Variants in ZNRF2 observed in about 807,000 individuals in gnomAD.
ZNRF2 encodes the protein zinc and ring finger 2, also known as E3 ubiquitin-protein ligase ZNRF2.
In ZNRF2, 16 loss-of-function variants were observed where a neutral mutation model predicts 20.4. The observed-to-expected ratio is 0.79, with a 90% CI of 0.53 to 1.19. ZNRF2 has a LOEUF of 1.19. Among genes scored for constraint, ZNRF2 ranks in the 50% most tolerant of loss-of-function variants. The pLI, the probability that ZNRF2 is intolerant of heterozygous loss-of-function variation, is 0.00. For missense variants in ZNRF2, 363 were observed against 332.4 expected, an observed-to-expected ratio of 1.09 and a Z score of -0.72; for synonymous variants, 178 against 144.9, an observed-to-expected ratio of 1.23 and a Z score of -1.64.
intron 2 of ZNRF2, among the ~76,000 whole-genome samples, chr7:30,349,993 G>A (rs1328795853): frequency 6.6e-6 from 1 of 151,980 alleles, no homozygotes; most frequent in African/African-American, 2.4e-5. Context: ...TTTCATGGTT[G>A]GGAAATAACT....
At chr7:30,316,015 G>A (rs1442196590) in intron 1 of ZNRF2, among the ~76,000 whole-genome samples, 2 of 151,888 alleles carry the variant, frequency 1.3e-5, no homozygotes, top group South Asian at 4.1e-4. Flanking sequence ...CAGACTAGGC[G>A]CTGTGGCTCA....
intron 2 of ZNRF2, among the ~76,000 whole-genome samples, chr7:30,339,638 C>G (rs568886333): frequency 6.6e-6 from 1 of 152,078 alleles, no homozygotes; most frequent in Non-Finnish European, 1.5e-5. Flanking sequence ...TGTTTTGGTA[C>G]CAGTACTATG....
intron 2 of ZNRF2, among the ~76,000 whole-genome samples, chr7:30,346,673 A>G (rs1241269898): frequency 2.0e-5 from 3 of 151,876 alleles, no homozygotes; most frequent in African/African-American, 7.3e-5. Context: ...TCCTGCATCT[A>G]TTTAAGTGTT....
At chr7:30,299,872 C>T (rs11980084) in intron 1 of ZNRF2, among the ~76,000 whole-genome samples, 5,842 of 150,850 alleles carry the variant, frequency 0.039, 363 homozygotes, top group African/African-American at 0.13. Flanking sequence ...CTCTGCCTCC[C>T]AAGTTCATGC....
intron 2 of ZNRF2, among the ~76,000 whole-genome samples, chr7:30,340,571 C>A (rs926042661): frequency 6.6e-6 from 1 of 152,174 alleles, no homozygotes; most frequent in African/African-American, 2.4e-5. Context: ...ACCAGCCTTG[C>A]ATCCCAGGGA....
intron 1 of ZNRF2, among the ~76,000 whole-genome samples, chr7:30,286,605 ATGTACT>A (rs1362465766): frequency 6.6e-6 from 1 of 152,256 alleles, no homozygotes; most frequent in Non-Finnish European, 1.5e-5. Context: ...TAGCAAAGTG[ATGTACT>A]TTACTACAGA....
At chr7:30,314,189 TTATTA>T (rs916300823) in intron 1 of ZNRF2, among the ~76,000 whole-genome samples, 9 of 152,218 alleles carry the variant, frequency 5.9e-5, no homozygotes, top group African/African-American at 2.2e-4. Flanking sequence ...AGAGAAATTT[TTATTA>T]TATTATTTGG....
intron 1 of ZNRF2, among the ~76,000 whole-genome samples, chr7:30,297,144 T>C (rs1466881485): frequency 6.6e-6 from 1 of 152,276 alleles, no homozygotes; most frequent in Non-Finnish European, 1.5e-5. Flanking sequence ...AAAAATTGTT[T>C]AGTTTTACAA....
intron 1 of ZNRF2, among the ~76,000 whole-genome samples, chr7:30,299,283 G>C (rs775015697): frequency 2.0e-5 from 3 of 152,124 alleles, no homozygotes; most frequent in Non-Finnish European, 4.4e-5. Context: ...GCCGAGCGTA[G>C]TGACGCATGC....
At chr7:30,294,831 A>AGTC (rs1404665250) in intron 1 of ZNRF2, among the ~76,000 whole-genome samples, 3 of 152,012 alleles carry the variant, frequency 2.0e-5, no homozygotes, top group Non-Finnish European at 4.4e-5. Context: ...TAAGCCTTTC[A>AGTC]GTTGTAAAGG....
intron 2 of ZNRF2, among the ~76,000 whole-genome samples, chr7:30,338,954 G>A (rs1446552881): frequency 6.6e-6 from 1 of 152,268 alleles, no homozygotes; most frequent in African/African-American, 2.4e-5. Context: ...ACATTTTAAT[G>A]ATCGCCATTC....
intron 1 of ZNRF2, among the ~76,000 whole-genome samples, chr7:30,307,453 C>T (rs771850866): frequency 2.7e-5 from 4 of 148,304 alleles, no homozygotes; most frequent in Non-Finnish European, 4.4e-5. Context: ...CCAAATTTTG[C>T]CAGGTAGATC....
chr7:30,285,304 G>A lies in ZNRF2; in HGVS notation c.-54G>A. On this transcript the variant is annotated 5_prime_UTR_variant, in exon 1 of 5. Coordinates refer to ENST00000323037, the MANE Select transcript of ZNRF2 (RefSeq NM_147128.4). ...CCCTCTAGCTCCCGCGCTCGCTCCC[G>A]CCCTCCCGGCTCTCGGGGCGCAGCG... is the stretch of plus-strand genomic sequence containing the variant. 1.9e-6 allele frequency: 2 copies of A among 1,057,646 alleles called. No homozygotes were observed. The highest frequency in any genetic ancestry group is 2.3e-6 in the Non-Finnish European group (2 of 878,950). The allele number at this position is 1,057,646 out of a possible 1,614,324, so 65.5% of individuals were successfully genotyped here.
chr7:30,309,966 T>TGATC (rs1799267359), intron 1 of ZNRF2, among the ~76,000 whole-genome samples: 1 of 152,122 alleles, frequency 6.6e-6, no homozygotes, highest in South Asian at 2.1e-4. Flanking sequence ...AACCAGGGAG[T>TGATC]GATCAGGTCT....
At chr7:30,313,840 A>C (rs1157751923) in intron 1 of ZNRF2, among the ~76,000 whole-genome samples, 1 of 152,120 alleles carries the variant, frequency 6.6e-6, no homozygotes, top group African/African-American at 2.4e-5. Context: ...GGCCATTTCG[A>C]GGTTCCCTGG....
intron 2 of ZNRF2, among the ~76,000 whole-genome samples, chr7:30,342,457 T>C (rs1317549210): frequency 6.6e-6 from 1 of 152,210 alleles, no homozygotes; most frequent in African/African-American, 2.4e-5. Context: ...TGCTTGTCTG[T>C]AAAGGATATT....
At chr7:30,364,200 AT>A (rs1562624276) in intron 4 of ZNRF2, among the ~76,000 whole-genome samples, 1 of 152,192 alleles carries the variant, frequency 6.6e-6, no homozygotes, top group Non-Finnish European at 1.5e-5. Context: ...GACAGAGAAG[AT>A]TTGAGATAAT....
intron 1 of ZNRF2, among the ~76,000 whole-genome samples, chr7:30,319,623 A>C (rs943011012): frequency 1.3e-5 from 2 of 152,218 alleles, no homozygotes; most frequent in African/African-American, 4.8e-5. Context: ...GTATGGAAGA[A>C]ATACAAAGGG....
At chr7:30,297,021 G>A (rs1323311069) in intron 1 of ZNRF2, among the ~76,000 whole-genome samples, 4 of 152,162 alleles carry the variant, frequency 2.6e-5, no homozygotes, top group South Asian at 2.1e-4. Context: ...GTTGTGAAGT[G>A]TACAGAATCT....
Sources: allele counts gnomAD v4.1 joint callset (sites outside exome capture counted in the v4.1 genomes callset), GRCh38; gene constraint gnomAD v4.1.1; transcripts MANE v1.5; gene names NCBI Gene and HGNC (gene_info 2026-07-23, HGNC 2026-07-21).